Variants in PARP1 observed in about 807,000 individuals in gnomAD.
PARP1 encodes poly [ADP-ribose] polymerase 1.
PARP1 carries 44 observed loss-of-function variants against 118.7 expected under a neutral mutation model. The ratio of observed to expected loss-of-function variants is 0.37; its 90% CI spans 0.29 to 0.48. The LOEUF (loss-of-function observed/expected upper bound fraction) is 0.48, where lower values mean the gene tolerates loss of function less well. PARP1 is among the 20% of genes least tolerant of loss of function. The pLI is 0.99. For synonymous variants in PARP1, 492 were observed against 483.2 expected, an observed-to-expected ratio of 1.02 and a Z score of -0.24; for missense variants, 1,100 against 1,272.4, an observed-to-expected ratio of 0.86 and a Z score of 2.06.
intron 2 of PARP1, among the ~76,000 whole-genome samples, chr1:226,395,771 A>G (rs576426788): frequency 2.0e-5 from 3 of 152,374 alleles, no homozygotes; most frequent in African/African-American, 7.2e-5. Flanking sequence ...ATTCAGACAC[A>G]TGCTGCAACA....
chr1:226,374,097 G>T, intron 14 of PARP1, 129 bp downstream of exon 14: 1 of 1,085,218 alleles, frequency 9.2e-7, no homozygotes, highest in Non-Finnish European at 1.4e-6. Context: ...TGAAGGACAG[G>T]TACAAGAAGC....
At chr1:226,389,157 G>T (rs1449942313) in intron 4 of PARP1, among the ~76,000 whole-genome samples, 1 of 152,138 alleles carries the variant, frequency 6.6e-6, no homozygotes, top group Non-Finnish European at 1.5e-5. Flanking sequence ...TGGCTAGGGG[G>T]TAGGGATTGC....
chr1:226,404,947 A>G (rs1366918128), intron 1 of PARP1, among the ~76,000 whole-genome samples: 2 of 152,172 alleles, frequency 1.3e-5, no homozygotes, highest in Non-Finnish European at 2.9e-5. Flanking sequence ...CTCCCAGGAC[A>G]GAGCAACTCA....
intron 3 of PARP1, among the ~76,000 whole-genome samples, chr1:226,391,726 T>C (rs1352109635): frequency 6.6e-6 from 1 of 152,220 alleles, no homozygotes; most frequent in Non-Finnish European, 1.5e-5. Flanking sequence ...GTGAGAAGGC[T>C]GCGGGGCACA....
chr1:226,402,261 T>A lies in PARP1; in HGVS notation c.239A>T (p.Asp80Val). The A allele has an allele frequency of 1.9e-6, 3 of 1,614,182 alleles. No individual in the cohort carries two copies. The highest frequency in any genetic ancestry group is 1.1e-5 in the South Asian group (1 of 91,084). The change falls in exon 2 of 23, where the codon GAT (aspartate) becomes GTT (valine). Residue 80 changes from aspartate (D) to valine (V), a missense_variant. Asp to Val is a radical substitution (Grantham distance 152). Transcript: ENST00000366794. ...TGTCTTCTTGACTTTCTGCTGGTCATCCCACCGAAGCTCAGAGAACCCATC... is the reference window on the plus strand; with the variant it reads ...TGTCTTCTTGACTTTCTGCTGGTCAACCCACCGAAGCTCAGAGAACCCATC... ...EVDGFSELRW[D>V]DQQKVKKTAE...
intron 1 of PARP1, among the ~76,000 whole-genome samples, 188 bp downstream of exon 1, chr1:226,407,622 G>C (rs890612753): frequency 3.3e-5 from 5 of 152,032 alleles, no homozygotes; most frequent in African/African-American, 7.2e-5. Context: ...TGCAACATCA[G>C]CAAAACCTTC....
At chr1:226,364,409 A>G (rs1664210053) in intron 19 of PARP1, 1 of 354,764 alleles carries the variant, frequency 2.8e-6, no homozygotes, top group Non-Finnish European at 5.5e-6. Context: ...TCAACACCCA[A>G]GGAATGCAGG....
At chr1:226,379,865 C>T in intron 10 of PARP1, 57 bp downstream of exon 10, 1 of 1,611,766 alleles carries the variant, frequency 6.2e-7, no homozygotes. Context: ...TGGACAACAA[C>T]CTGGCCACCA....
chr1:226,383,958 C>A (rs1664669600), intron 7 of PARP1, among the ~76,000 whole-genome samples: 1 of 152,236 alleles, frequency 6.6e-6, no homozygotes, highest in African/African-American at 2.4e-5. Flanking sequence ...CAACCATAGT[C>A]TGGTTAAAAA....
rs1664756261 is a variant in PARP1, at chr1:226,388,523, C to T, written c.717+133G>A. The T allele has an allele frequency of 8.5e-6, 6 of 707,476 alleles. No homozygotes were observed. In the South Asian group the frequency reaches 9.2e-5, roughly 11 times the overall value. 43.8% of individuals were successfully genotyped at this position (707,476 alleles called of 1,614,324 possible). On this transcript the variant is annotated intron_variant, in intron 5 of 22. Transcript: ENST00000366794. ...AAAAAGAATCTGGGGAAAAGCCATG[C>T]TATTTAATAACTGCCATCAATTTGC...
At chr1:226,361,822 G>A in intron 22 of PARP1, 147 bp downstream of exon 22, 1 of 706,846 alleles carries the variant, frequency 1.4e-6, no homozygotes, top group East Asian at 2.7e-5. Context: ...CACAGGGAGG[G>A]ACCACAGAAG....
chr1:226,407,951 G>A lies in PARP1; in HGVS notation c.-22C>T, dbSNP rs2102750390. ...CCATCCTCCCCTAGCTGCCGCCAAA[G>A]CTCCGGAAGCCCGACGCCACGACCT... On this transcript the variant is annotated 5_prime_UTR_variant, in exon 1 of 23. Transcript: ENST00000366794. 6.2e-7 allele frequency: 1 copy of A among 1,611,862 alleles called. No homozygotes were observed. Among genetic ancestry groups the A allele is most frequent in the Non-Finnish European group, 8.5e-7 (1 of 1,178,844 alleles).
intron 14 of PARP1, among the ~76,000 whole-genome samples, chr1:226,373,545 AAGG>A (rs1326128052): frequency 6.6e-5 from 10 of 152,162 alleles, no homozygotes; most frequent in Non-Finnish European, 1.3e-4. Context: ...CGGAGATGAG[AAGG>A]AGAACAGACA....
rs778695407 is a variant in PARP1 at position 226,380,105 on chromosome 1, C to T, written c.1360G>A (p.Val454Met). The T allele has an allele frequency of 1.2e-6, 2 of 1,614,082 alleles. No homozygotes were observed. The highest frequency in any genetic ancestry group is 1.7e-5 in the Admixed American group (1 of 60,012). Residue 454 changes from valine (V) to methionine (M), a missense_variant, in exon 10 of 23, where the codon GTG (valine) becomes ATG (methionine). Coordinates refer to ENST00000366794, the MANE Select transcript of PARP1 (RefSeq NM_001618.4). ...ACGTCCTGGAGGAAGTCCTCAGACA[C>T]AACTCGGATGTTGGCTTCCTTTACT... ...EEVKEANIRVVSEDFLQDVSA... is the reference protein window; with the variant it reads ...EEVKEANIRVMSEDFLQDVSA...
intron 2 of PARP1, among the ~76,000 whole-genome samples, chr1:226,397,703 T>C (rs1434940823): frequency 6.6e-6 from 1 of 152,134 alleles, no homozygotes; most frequent in African/African-American, 2.4e-5. Context: ...TGCCGGCTTC[T>C]CCTCTGCCTT....
At chr1:226,374,383 A>T (rs1230538676) in intron 13 of PARP1, 29 bp from the exon 14 acceptor site, 1 of 1,614,058 alleles carries the variant, frequency 6.2e-7, no homozygotes, top group Non-Finnish European at 8.5e-7. Flanking sequence ...TTGCTAAGAG[A>T]CCCAAATCAA....
In PARP1 at chr1:226,365,970, T is replaced by C. The variant is rs1664256841; in HGVS notation, c.2489A>G (p.Asp830Gly). Residue 830 changes from aspartate to glycine, a missense_variant, in exon 18 of 23, where the codon GAC (aspartate) becomes GGC (glycine). By Grantham distance (94) the Asp-to-Gly change is moderately conservative (BLOSUM62 -1). This residue lies in a region of PARP1 where 152 missense variants were observed against 240.6 expected (regional missense o/e 0.63). Transcript: ENST00000366794. ...GATTCTTACATCGATGACTTCCAAG[T>C]CATACGCATTGTGTGTGGTTGCATG... ...NTHATTHNAY[D>G]LEVIDIFKIE... The C allele has an allele frequency of 6.2e-7, 1 of 1,609,092 alleles. No individual in the cohort carries two copies. Among genetic ancestry groups the C allele is most frequent in the South Asian group, 1.1e-5 (1 of 90,992 alleles).
intron 14 of PARP1, among the ~76,000 whole-genome samples, chr1:226,373,693 G>A (rs191158175): frequency 1.3e-5 from 2 of 152,218 alleles, no homozygotes; most frequent in Admixed American, 6.5e-5. Flanking sequence ...CGAATCAAGC[G>A]TCACAGCAAT....
At chr1:226,389,277 C>G (rs1382508230) in intron 4 of PARP1, among the ~76,000 whole-genome samples, 9 of 152,080 alleles carry the variant, frequency 5.9e-5, no homozygotes, top group Non-Finnish European at 1.3e-4. Context: ...AAAGCCCTGA[C>G]AAGAAGTGAC....
Sources: gnomAD v4.1 joint callset for allele counts (sites outside exome capture counted in the v4.1 genomes callset) on GRCh38, gnomAD v4.1.1 for gene constraint, gnomAD v4.1.1 regional missense constraint, MANE v1.5 for transcripts, NCBI Gene and HGNC (gene_info 2026-07-23, HGNC 2026-07-21) for gene names.